DAZAP2: variants seen among roughly 807,000 people sequenced by gnomAD.
DAZAP2 encodes the protein DAZ associated protein 2, also known as DAZ-associated protein 2.
Under a neutral mutation model 16.2 loss-of-function variants are expected in DAZAP2, and 3 were observed. The ratio of observed to expected loss-of-function variants is 0.19; its 90% confidence interval spans 0.08 to 0.48. The LOEUF is 0.48. DAZAP2 is among the 20% of genes least tolerant of loss of function. The pLI, the probability that DAZAP2 is intolerant of heterozygous loss-of-function variation, is 0.98. For synonymous variants in DAZAP2, 69 were observed against 77.6 expected (o/e 0.89, Z 0.58); for missense variants, 172 against 215.9 (o/e 0.80, Z 1.27).
At chr12:51,241,371 T>C (rs1201252621) in intron 3 of DAZAP2, among the ~76,000 whole-genome samples, 1 of 152,140 alleles carries the variant, frequency 6.6e-6, no homozygotes, top group Non-Finnish European at 1.5e-5. Flanking sequence ...TTCCAGTTCA[T>C]TGTGGTACAC....
chr12:51,239,126 A>G, intron 1 of DAZAP2: 1 of 680,266 alleles, frequency 1.5e-6, no homozygotes, highest in Non-Finnish European at 2.3e-6. Flanking sequence ...TCCTCCGTAA[A>G]CTCTGTGGCG....
downstream of DAZAP2, chr12:51,246,563 A>G (rs970563562): frequency 1.3e-5 from 6 of 476,016 alleles, no homozygotes; most frequent in African/African-American, 1.2e-4. Context: ...CCTGTCATTT[A>G]CTGGTAGTGC....
chr12:51,246,028 A>G, downstream of DAZAP2: 1 of 1,613,978 alleles, frequency 6.2e-7, no homozygotes, highest in Non-Finnish European at 8.5e-7. Context: ...CTGTAGGTTC[A>G]TAGGTGACGT....
Position 51,240,323 on chromosome 12 carries a change from ATTT to A in DAZAP2, c.14-15_14-13del, listed in dbSNP as rs766990213. On this transcript the variant is annotated splice_polypyrimidine_tract_variant and intron_variant, in intron 1 of 3. Transcript: ENST00000412716. ...TAGCTCTGTGTAGTAGGCAACCTTC[ATTT>A]TTTTCTTGTCTTTCAGGTCAATATC... The A allele has an allele frequency of 1.9e-6, 3 of 1,604,442 alleles. No individual in the cohort carries two copies. Among genetic ancestry groups the A allele is most frequent in the Non-Finnish European group, 2.6e-6 (3 of 1,171,522 alleles).
rs1206556534 is a variant in DAZAP2, at chr12:51,242,961, T to G, written c.*503T>G. On this transcript the variant is annotated 3_prime_UTR_variant, in exon 4 of 4. Coordinates refer to ENST00000412716, the MANE Select transcript of DAZAP2 (RefSeq NM_014764.4). ...ACCCATCCCATCTCCAACCCTAGTCTTCCATTTCCTCCCGCCAGTCTCCAT... is the reference window on the plus strand; with the variant it reads ...ACCCATCCCATCTCCAACCCTAGTCGTCCATTTCCTCCCGCCAGTCTCCAT... 5 of 1,071,554 alleles carry G rather than the reference T, an allele frequency of 4.7e-6. No individual in the cohort carries two copies. In the African/African-American group the frequency reaches 6.8e-5, roughly 14 times the overall value. The allele number at this position is 1,071,554 out of a possible 1,614,324, so 66.4% of individuals were successfully genotyped here.
At chr12:51,240,786 G>A in intron 2 of DAZAP2, 85 bp from the exon 3 acceptor site, 1 of 1,530,430 alleles carries the variant, frequency 6.5e-7, no homozygotes, top group Non-Finnish European at 8.8e-7. Context: ...ACCTGCATAA[G>A]GAGAATTAAG....
At position 51,243,091 on chromosome 12, in the gene DAZAP2, G is replaced by C; in HGVS notation, c.*633G>C. The C allele has an allele frequency of 1.0e-6, 1 of 989,156 alleles. No individual in the cohort carries two copies. The highest frequency in any genetic ancestry group is 1.2e-6 in the Non-Finnish European group (1 of 832,492). 61.3% of individuals were successfully genotyped at this position (989,156 alleles called of 1,614,324 possible). ...AACTAGTGTTTCACAAGGATCCTCT[G>C]AAACCCTCTCTGTGCCCCAAGTACA... On this transcript the variant is annotated 3_prime_UTR_variant, in exon 4 of 4. Transcript: ENST00000412716.
At position 51,243,212 on chromosome 12, in the gene DAZAP2, C is replaced by A; in HGVS notation, c.*754C>A. 2 of 985,890 alleles carry A rather than the reference C, an allele frequency of 2.0e-6. No individual in the cohort carries two copies. The highest frequency in any genetic ancestry group is 2.4e-6 in the Non-Finnish European group (2 of 829,996). 61.1% of individuals were successfully genotyped at this position (985,890 alleles called of 1,614,324 possible). A position where few individuals can be genotyped will look rare whatever the true frequency, so the allele number is the denominator to read the frequency against. On this transcript the variant is annotated 3_prime_UTR_variant, in exon 4 of 4. Transcript: ENST00000412716. The stretch of plus-strand genomic sequence containing the variant: ...GTTGTCTCTGCATACACGAACCTAA[C>A]CCAAATTTGCTTTGGTGCCAGAAAA...
Position 51,240,905 on chromosome 12 carries a change from C to A in DAZAP2, c.167C>A (p.Ala56Asp), listed in dbSNP as rs1391581875. 2 of 1,614,186 alleles carry A rather than the reference C, an allele frequency of 1.2e-6. No individual in the cohort carries two copies. Among genetic ancestry groups the A allele is most frequent in the South Asian group, 1.1e-5 (1 of 91,090 alleles). The change falls in exon 3 of 4, where the codon GCC (alanine) becomes GAC (aspartate). Residue 56 changes from alanine (A) to aspartate (D), a missense_variant. Ala to Asp is a moderately radical substitution (Grantham distance 126). Transcript: ENST00000412716. ...YRPSFVHPGAATVPTMSAAFP... is the reference protein window; with the variant it reads ...YRPSFVHPGADTVPTMSAAFP... Reference sequence around the variant, plus strand: ...CCGAGCTTTGTGCACCCAGGGGCTGCCACAGTCCCCACCATGTCAGCCGCA... The same window carrying A: ...CCGAGCTTTGTGCACCCAGGGGCTGACACAGTCCCCACCATGTCAGCCGCA...
At chr12:51,244,820 CTTT>C (rs5798164), downstream of DAZAP2, 8 of 92,074 alleles carry the variant, frequency 8.7e-5, no homozygotes, top group Admixed American at 4.5e-4. Context: ...TCCCAGGGTA[CTTT>C]TTTTTTTTTT....
chr12:51,246,604 C>CTGTGTGTG (rs59561227), downstream of DAZAP2: 9,504 of 337,666 alleles, frequency 0.028, 319 homozygotes, highest in African/African-American at 0.11. Flanking sequence ...TCTTTTATGG[C>CTGTGTGTG]TGTGTGTGTG....
At chr12:51,245,893 C>T (rs566703112), downstream of DAZAP2, 28 of 1,575,036 alleles carry the variant, frequency 1.8e-5, no homozygotes, top group South Asian at 2.6e-4. Context: ...AAGCAGTCAA[C>T]GTGTTAGCGA....
intron 1 of DAZAP2, chr12:51,239,842 C>T (rs942636745): frequency 6.3e-6 from 1 of 158,192 alleles, no homozygotes; most frequent in African/African-American, 2.4e-5. Flanking sequence ...CTCCTCACCC[C>T]TCAGCCCTGC....
At chr12:51,245,002 T>C (rs1944747666), downstream of DAZAP2, 1 of 151,988 alleles carries the variant, frequency 6.6e-6, no homozygotes, top group Non-Finnish European at 1.5e-5. Context: ...TTTTTTTATA[T>C]ATTTTTAGTA....
At chr12:51,240,253 TGCTCCCACTAAGTTA>T in intron 1 of DAZAP2, 75 bp from the exon 2 acceptor site, 3 of 948,646 alleles carry the variant, frequency 3.2e-6, no homozygotes, top group Non-Finnish European at 5.1e-6. Flanking sequence ...CCCTTCTGCT[TGCTCCCACTAAGTTA>T]GCTACCCGAT....
In DAZAP2 at chr12:51,243,279, G is replaced by C; in HGVS notation, c.*821G>C. The C allele has an allele frequency of 4.1e-6, 4 of 985,908 alleles. No homozygotes were observed. The highest frequency in any genetic ancestry group is 4.8e-6 in the Non-Finnish European group (4 of 829,976). The allele number at this position is 985,908 out of a possible 1,614,324, so 61.1% of individuals were successfully genotyped here. Reference sequence around the variant, plus strand: ...ACAAAGATGTCGTGCAAACTGTACTGTGAACAACAGTTGGTTTAAAATATG... The same window carrying C: ...ACAAAGATGTCGTGCAAACTGTACTCTGAACAACAGTTGGTTTAAAATATG... On this transcript the variant is annotated 3_prime_UTR_variant, in exon 4 of 4. Transcript: ENST00000412716.
chr12:51,245,333 T>C (rs1944752538), downstream of DAZAP2: 1 of 152,662 alleles, frequency 6.6e-6, no homozygotes, highest in Non-Finnish European at 1.5e-5. Flanking sequence ...TAGTTACTTC[T>C]TGCACATGAG....
downstream of DAZAP2, chr12:51,244,892 T>C (rs1944745704): frequency 7.0e-6 from 1 of 141,934 alleles, no homozygotes; most frequent in African/African-American, 2.6e-5. Flanking sequence ...TGGTGCAATC[T>C]CAGCTCACTG....
At chr12:51,246,058 C>G, downstream of DAZAP2, 1 of 1,613,830 alleles carries the variant, frequency 6.2e-7, no homozygotes, top group Non-Finnish European at 8.5e-7. Context: ...TGTTCTTGTA[C>G]AGGTAAAAGA....
Sources: gnomAD v4.1 joint callset for allele counts (sites outside exome capture counted in the v4.1 genomes callset) on GRCh38, gnomAD v4.1.1 for gene constraint, MANE v1.5 for transcripts, NCBI Gene and HGNC (gene_info 2026-07-23, HGNC 2026-07-21) for gene names.